The following ADAM32 variants were observed in gnomAD, a reference collection of about 807,000 sequenced individuals.
ADAM32 encodes disintegrin and metalloproteinase domain-containing protein 32.
ADAM32 carries 89 observed loss-of-function variants against 114.9 expected under a neutral mutation model. The ratio of observed to expected loss-of-function variants is 0.77; its 90% confidence interval spans 0.65 to 0.92. ADAM32 has a LOEUF of 0.92. Among genes scored for constraint, ADAM32 ranks in the 40% least tolerant of loss-of-function variants. ADAM32 has a pLI of 0.00. For synonymous variants in ADAM32, 285 were observed against 307.5 expected (o/e 0.93, Z 0.77); for missense variants, 870 against 932.8 (o/e 0.93, Z 0.88).
chr8:39,205,802 T>C (rs889457690), intron 11 of ADAM32, among the ~76,000 whole-genome samples: 6 of 152,220 alleles, frequency 3.9e-5, no homozygotes, highest in Middle Eastern at 3.2e-3. Flanking sequence ...TTGTATTATT[T>C]ATCTGTGCTC....
intron 7 of ADAM32, among the ~76,000 whole-genome samples, chr8:39,162,767 G>A (rs1179371460): frequency 6.6e-6 from 1 of 152,180 alleles, no homozygotes; most frequent in Admixed American, 6.5e-5. Context: ...TTGGGAAGCT[G>A]AGGTGGGTGG....
intron 16 of ADAM32, among the ~76,000 whole-genome samples, chr8:39,234,951 C>G (rs1334041554): frequency 1.3e-5 from 2 of 152,100 alleles, no homozygotes; most frequent in Non-Finnish European, 2.9e-5. Flanking sequence ...GCAATCCATA[C>G]CCTATTCTTC....
intron 16 of ADAM32, among the ~76,000 whole-genome samples, chr8:39,238,755 A>G (rs1810365940): frequency 6.6e-6 from 1 of 152,188 alleles, no homozygotes; most frequent in Admixed American, 6.5e-5. Context: ...TATGGAAATA[A>G]AAGACTTAGA....
chr8:39,210,349 G>A (rs1453400749), intron 11 of ADAM32, among the ~76,000 whole-genome samples: 1 of 152,192 alleles, frequency 6.6e-6, no homozygotes, highest in Non-Finnish European at 1.5e-5. Context: ...TCTTCAATGT[G>A]TCTTTTCTTG....
chr8:39,211,425 A>T (rs537146238), intron 12 of ADAM32, 101 bp downstream of exon 12: 1 of 1,149,678 alleles, frequency 8.7e-7, no homozygotes, highest in African/African-American at 1.6e-5. Flanking sequence ...TACCATGCAG[A>T]ATGTTGACAG....
At chr8:39,252,036 A>G (rs752441732) in intron 17 of ADAM32, among the ~76,000 whole-genome samples, 77 of 151,854 alleles carry the variant, frequency 5.1e-4, no homozygotes, top group Non-Finnish European at 7.8e-4. Context: ...AAATGCATGT[A>G]TTTGTAGCCG....
intron 17 of ADAM32, among the ~76,000 whole-genome samples, chr8:39,251,400 A>T (rs1179721772): frequency 6.6e-6 from 1 of 151,650 alleles, no homozygotes; most frequent in Non-Finnish European, 1.5e-5. Context: ...GGCTTTTATA[A>T]GCCATTTTAA....
intron 10 of ADAM32, among the ~76,000 whole-genome samples, chr8:39,184,252 C>G (rs1388119659): frequency 6.6e-6 from 1 of 152,180 alleles, no homozygotes; most frequent in Non-Finnish European, 1.5e-5. Context: ...ATGCAATTCC[C>G]CAAGGGATGC....
In ADAM32 at chr8:39,175,547, A is replaced by C. The variant is rs1805473095; in HGVS notation, c.915+5550A>C. Among the ~76,000 whole-genome samples, 2 of 152,214 alleles carry C rather than the reference A, an allele frequency of 1.3e-5. 1 individual carries two copies. Among genetic ancestry groups the C allele is most frequent in the South Asian group, 4.1e-4 (2 of 4,828 alleles). ...GAAGCCAACTTGATCATAGTGGATAAGCTTTTTGATGTACAGCTGGATTCA... is the reference window on the plus strand; with the variant it reads ...GAAGCCAACTTGATCATAGTGGATACGCTTTTTGATGTACAGCTGGATTCA... On this transcript the variant is annotated intron_variant, in intron 10 of 24. Transcript: ENST00000379907.
At chr8:39,199,174 A>C (rs1452340152) in intron 11 of ADAM32, among the ~76,000 whole-genome samples, 3 of 152,196 alleles carry the variant, frequency 2.0e-5, no homozygotes, top group Non-Finnish European at 4.4e-5. Flanking sequence ...TAGTTTGACT[A>C]TACGTGCCTT....
intron 11 of ADAM32, among the ~76,000 whole-genome samples, chr8:39,194,772 C>T (rs2129447531): frequency 6.6e-6 from 1 of 152,280 alleles, no homozygotes; most frequent in Admixed American, 6.5e-5. Context: ...TTGCAGACTT[C>T]AGGTACGACA....
chr8:39,107,927 T>C lies in ADAM32; in HGVS notation c.58+94T>C, dbSNP rs1839994501. Reference sequence around the variant, plus strand: ...CCGGGGCCCTCCCTGTCTGGGTCCCTTTGGTCCTGTCACCCTGGCAACGGG... The same window carrying C: ...CCGGGGCCCTCCCTGTCTGGGTCCCCTTGGTCCTGTCACCCTGGCAACGGG... On this transcript the variant is annotated intron_variant, in intron 1 of 24. Coordinates refer to ENST00000379907, the MANE Select transcript of ADAM32 (RefSeq NM_145004.7). The C allele has an allele frequency of 2.8e-5, 39 of 1,405,262 alleles. 3 individuals carry two copies. The South Asian group carries it at 5.8e-4, about 21-fold the overall frequency. 87.0% of individuals were successfully genotyped at this position (1,405,262 alleles called of 1,614,324 possible).
intron 12 of ADAM32, chr8:39,221,200 A>G (rs1198475906): frequency 6.4e-6 from 1 of 155,902 alleles, no homozygotes; most frequent in Non-Finnish European, 1.4e-5. Flanking sequence ...CTTGAAGTCT[A>G]TTTTATCTAA....
chr8:39,258,997 G>A (rs1024189567), intron 19 of ADAM32, among the ~76,000 whole-genome samples: 10 of 151,254 alleles, frequency 6.6e-5, no homozygotes, highest in African/African-American at 1.7e-4. Context: ...AACTTTTTTC[G>A]TTTTTTTCTC....
chr8:39,202,554 T>G (rs527550297), intron 11 of ADAM32, among the ~76,000 whole-genome samples: 29 of 152,322 alleles, frequency 1.9e-4, no homozygotes, highest in Admixed American at 8.5e-4. Flanking sequence ...GTCTATCAAT[T>G]TTGTTGATCT....
chr8:39,246,129 C>A lies in ADAM32; in HGVS notation c.1865C>A (p.Ser622Ter). 11 of 1,613,514 alleles carry A rather than the reference C, an allele frequency of 6.8e-6. No individual in the cohort carries two copies. Among genetic ancestry groups the A allele is most frequent in the Non-Finnish European group, 9.3e-6 (11 of 1,179,654 alleles). Residue 622 changes from serine to a stop codon, truncating the protein, a stop_gained, in exon 17 of 25, where the codon TCA becomes TAA. Coordinates refer to ENST00000379907, the MANE Select transcript of ADAM32 (RefSeq NM_145004.7). LOFTEE classifies it high-confidence loss of function. ...GTAGAATCAAGGATAATTAAGGCTTCAGCACATGTTTGTTCACAACAGTGT... is the reference window on the plus strand; with the variant it reads ...GTAGAATCAAGGATAATTAAGGCTTAAGCACATGTTTGTTCACAACAGTGT... ...ECVESRIIKA[S>*]AHVCSQQCSG...
chr8:39,216,187 AT>A (rs1380001415), intron 12 of ADAM32, among the ~76,000 whole-genome samples: 1 of 151,958 alleles, frequency 6.6e-6, no homozygotes, highest in Non-Finnish European at 1.5e-5. Context: ...TTGTCTTGAA[AT>A]GTGTTTTGTC....
chr8:39,125,431 G>T (rs1802055622), intron 2 of ADAM32, among the ~76,000 whole-genome samples: 1 of 152,150 alleles, frequency 6.6e-6, no homozygotes, highest in Non-Finnish European at 1.5e-5. Context: ...TTCACAACTG[G>T]AGAGGAATTT....
chr8:39,284,836 C>G lies in ADAM32; in HGVS notation c.*37C>G. ...GAAGGCAACGGATAACATCGAGAGT[C>G]TCGCTAAGAAATGAAAATTCTGTCT... is the stretch of plus-strand genomic sequence containing the variant. On this transcript the variant is annotated 3_prime_UTR_variant, in exon 25 of 25. Transcript: ENST00000379907. The G allele has an allele frequency of 6.2e-7, 1 of 1,611,144 alleles. No individual in the cohort carries two copies. The highest frequency in any genetic ancestry group is 1.7e-4 in the Middle Eastern group (1 of 6,060).
Sources: allele counts gnomAD v4.1 joint callset (sites outside exome capture counted in the v4.1 genomes callset), GRCh38; gene constraint gnomAD v4.1.1; transcripts MANE v1.5; gene names NCBI Gene and HGNC (gene_info 2026-07-23, HGNC 2026-07-21).